The following EDN1 variants were observed in gnomAD, a reference collection of about 807,000 sequenced individuals.
EDN1 encodes the protein endothelin 1.
EDN1 carries 11 observed loss-of-function variants against 21.7 expected under a neutral mutation model. The observed-to-expected ratio is 0.51, with a 90% CI of 0.32 to 0.84. The LOEUF (loss-of-function observed/expected upper bound fraction) is 0.84. Among genes scored for constraint, EDN1 ranks in the 40% least tolerant of loss-of-function variants. EDN1 has a pLI of 0.03. For missense variants in EDN1, 244 were observed against 262.3 expected, an observed-to-expected ratio of 0.93 and a Z score of 0.48; for synonymous variants, 85 against 90.6, an observed-to-expected ratio of 0.94 and a Z score of 0.35.
chr6:12,286,023 G>T (rs1159197585), upstream of EDN1, among the ~76,000 whole-genome samples: 1 of 152,060 alleles, frequency 6.6e-6, no homozygotes, highest in East Asian at 1.9e-4. Context: ...GCTTAAGATA[G>T]TAATGATATA....
intron 2 of EDN1, among the ~76,000 whole-genome samples, chr6:12,292,756 G>A (rs10478713): frequency 0.022 from 3,319 of 152,244 alleles, 64 homozygotes; most frequent in Middle Eastern, 0.041. Flanking sequence ...GGAGGCCACT[G>A]CACGTTTCAA....
chr6:12,292,592 G>C, intron 2 of EDN1, 83 bp downstream of exon 2: 1 of 1,521,910 alleles, frequency 6.6e-7, no homozygotes, highest in Non-Finnish European at 9.1e-7. Context: ...TTCTTTTCTA[G>C]GGACTCTGAA....
chr6:12,237,434 T>A, the EDN1 span, among the ~76,000 whole-genome samples: 13 of 152,170 alleles, frequency 8.5e-5, no homozygotes, highest in African/African-American at 3.1e-4. Context: ...GACCAAAAAG[T>A]CTTACAAAAT....
chr6:12,252,706 T>G, the EDN1 span, among the ~76,000 whole-genome samples: 2 of 152,318 alleles, frequency 1.3e-5, no homozygotes, highest in African/African-American at 4.8e-5. Flanking sequence ...AAAGAATAGT[T>G]AAGTTTGCAT....
chr6:12,236,079 G>C, the EDN1 span, among the ~76,000 whole-genome samples: 1 of 152,194 alleles, frequency 6.6e-6, no homozygotes, highest in Non-Finnish European at 1.5e-5. Flanking sequence ...TTCTGTTTGA[G>C]ATAACTGAAT....
upstream of EDN1, among the ~76,000 whole-genome samples, chr6:12,289,956 A>T (rs1762631291): frequency 6.6e-6 from 1 of 152,222 alleles, no homozygotes; most frequent in African/African-American, 2.4e-5. Flanking sequence ...CAATTAAAAA[A>T]AATTCCCCGC....
At chr6:12,244,036 G>A in the EDN1 span, among the ~76,000 whole-genome samples, 1 of 152,002 alleles carries the variant, frequency 6.6e-6, no homozygotes, top group Non-Finnish European at 1.5e-5. Context: ...TTTGTTCTCA[G>A]AATTCATTTA....
At chr6:12,277,012 A>C in the EDN1 span, among the ~76,000 whole-genome samples, 1 of 152,226 alleles carries the variant, frequency 6.6e-6, no homozygotes, top group Admixed American at 6.5e-5. Context: ...ACTTTGCTGT[A>C]AACAGACATT....
At chr6:12,277,902 CCCT>C in the EDN1 span, among the ~76,000 whole-genome samples, 1 of 152,160 alleles carries the variant, frequency 6.6e-6, no homozygotes, top group Non-Finnish European at 1.5e-5. Context: ...GCTCCAGAAC[CCCT>C]TTGGGATTAA....
At chr6:12,242,338 C>A in the EDN1 span, among the ~76,000 whole-genome samples, 1 of 151,792 alleles carries the variant, frequency 6.6e-6, no homozygotes, top group East Asian at 1.9e-4. Context: ...GTCTACCACC[C>A]AGTAATTGTG....
intron 4 of EDN1, among the ~76,000 whole-genome samples, chr6:12,295,630 T>A (rs982801348): frequency 1.2e-4 from 19 of 152,168 alleles, no homozygotes; most frequent in Non-Finnish European, 5.9e-5. Flanking sequence ...GCTGAGTTCC[T>A]CAAGGCAGGG....
chr6:12,288,515 CA>C (rs1762603516), upstream of EDN1, among the ~76,000 whole-genome samples: 1 of 123,276 alleles, frequency 8.1e-6, no homozygotes, highest in African/African-American at 4.5e-5. Flanking sequence ...CAGCGGAGGC[CA>C]GGGGCCCCGG....
the EDN1 span, among the ~76,000 whole-genome samples, chr6:12,275,636 A>G: frequency 6.6e-6 from 1 of 152,118 alleles, no homozygotes; most frequent in Non-Finnish European, 1.5e-5. Context: ...CTTCTTAACA[A>G]GATCTGGGGC....
chr6:12,294,420 GA>G lies in EDN1; in HGVS notation c.533+21del. The G allele has an allele frequency of 1.4e-6, 2 of 1,441,934 alleles. No individual in the cohort carries two copies. The highest frequency in any genetic ancestry group is 1.9e-6 in the Non-Finnish European group (2 of 1,027,056). The allele number at this position is 1,441,934 out of a possible 1,614,324, so 89.3% of individuals were successfully genotyped here. A position where few individuals can be genotyped will look rare whatever the true frequency, so the allele number is the denominator to read the frequency against. ...GACAAACCAGGTAAGAGGGAAGGAA[GA>G]AAAATTAGGTAAGAGGTTCACAAGA... On this transcript the variant is annotated intron_variant, in intron 4 of 4. Transcript: ENST00000379375.
chr6:12,235,757 T>C, the EDN1 span, among the ~76,000 whole-genome samples: 1 of 152,248 alleles, frequency 6.6e-6, no homozygotes, highest in Non-Finnish European at 1.5e-5. Flanking sequence ...CATAGGTGAC[T>C]ATTGAGCATT....
the EDN1 span, among the ~76,000 whole-genome samples, chr6:12,234,368 T>C: frequency 6.6e-6 from 1 of 152,198 alleles, no homozygotes; most frequent in African/African-American, 2.4e-5. Flanking sequence ...AACAATGACA[T>C]CCCCTTTCAT....
chr6:12,276,932 C>G, the EDN1 span, among the ~76,000 whole-genome samples: 1 of 152,152 alleles, frequency 6.6e-6, no homozygotes, highest in Non-Finnish European at 1.5e-5. Flanking sequence ...TGAATATAGA[C>G]ATATGATTAT....
chr6:12,287,841 C>T (rs1033267825), upstream of EDN1, among the ~76,000 whole-genome samples: 4 of 151,908 alleles, frequency 2.6e-5, no homozygotes, highest in Non-Finnish European at 5.9e-5. Flanking sequence ...ACGGTGGGGC[C>T]CTTCCAGGTC....
chr6:12,262,025 T>A, the EDN1 span, among the ~76,000 whole-genome samples: 1 of 151,442 alleles, frequency 6.6e-6, no homozygotes, highest in Non-Finnish European at 1.5e-5. Flanking sequence ...GCCCCAGCAT[T>A]TCAAATGAAA....
Sources: gnomAD v4.1 joint callset for allele counts (sites outside exome capture counted in the v4.1 genomes callset) on GRCh38, gnomAD v4.1.1 for gene constraint, MANE v1.5 for transcripts, NCBI Gene and HGNC (gene_info 2026-07-23, HGNC 2026-07-21) for gene names.